PLEKHA2: variants seen among roughly 807,000 people sequenced by gnomAD.
The protein encoded by PLEKHA2 is pleckstrin homology domain containing A2.
A neutral mutation model predicts 53.2 loss-of-function variants in PLEKHA2; 28 were observed. The observed-to-expected ratio is 0.53, with a 90% CI of 0.39 to 0.72. The LOEUF (loss-of-function observed/expected upper bound fraction) is 0.72, where lower values mean the gene tolerates loss of function less well. PLEKHA2 is among the 30% of genes least tolerant of loss of function. The pLI is 0.00. For synonymous variants in PLEKHA2, 193 were observed against 196.4 expected (o/e 0.98, Z 0.14); for missense variants, 426 against 537.9 (o/e 0.79, Z 2.06).
In PLEKHA2 at chr8:38,922,632, G is replaced by A. The variant is rs1249067219; in HGVS notation, c.141+4562G>A. 6.6e-6 allele frequency among the ~76,000 whole-genome samples: 1 copy of A among 152,172 alleles called. No individual in the cohort carries two copies. The highest frequency in any genetic ancestry group is 1.9e-4 in the East Asian group (1 of 5,204). ...AGGCAGTAATAAGCAGAAGATTTTTGGACCCAGGTCTCCGATCTTTGTGTG... is the reference window on the plus strand; with the variant it reads ...AGGCAGTAATAAGCAGAAGATTTTTAGACCCAGGTCTCCGATCTTTGTGTG... On this transcript the variant is annotated intron_variant, in intron 2 of 11. Transcript: ENST00000617275. This position sits in a 1 kb window ranked among gnomAD's most constrained non-coding sequence, Gnocchi z 4.0.
intron 3 of PLEKHA2, among the ~76,000 whole-genome samples, chr8:38,936,293 A>G (rs770623170): frequency 1.3e-4 from 20 of 152,162 alleles, no homozygotes; most frequent in Non-Finnish European, 2.4e-4. Flanking sequence ...ACATCAATCC[A>G]TAATGCTCCC....
chr8:38,932,567 C>T (rs1834413648), intron 2 of PLEKHA2, among the ~76,000 whole-genome samples: 1 of 152,180 alleles, frequency 6.6e-6, no homozygotes, highest in African/African-American at 2.4e-5. Flanking sequence ...CCTGCCCTGA[C>T]ACCTGGCTAA....
Position 38,957,327 on chromosome 8 carries a change from CTCT to C in PLEKHA2, c.780_782del (p.Leu261del). 4 of 1,611,824 alleles carry C rather than the reference CTCT, an allele frequency of 2.5e-6. No homozygotes were observed. Among genetic ancestry groups the C allele is most frequent in the Non-Finnish European group, 3.4e-6 (4 of 1,178,080 alleles). On this transcript the variant is annotated inframe_deletion, in exon 10 of 12. Coordinates refer to ENST00000617275, the MANE Select transcript of PLEKHA2 (RefSeq NM_021623.2). Reference sequence around the variant, plus strand: ...TCTTTCTCTTTCTCTGTCTAGTGATCTCTTAATGAGGGACAACCTGTTTGAAAT... The same window carrying C: ...TCTTTCTCTTTCTCTGTCTAGTGATCTAATGAGGGACAACCTGTTTGAAAT...
chr8:38,968,737 T>C, intron 11 of PLEKHA2, 68 bp downstream of exon 11: 1 of 1,554,836 alleles, frequency 6.4e-7, no homozygotes, highest in Non-Finnish European at 8.9e-7. Flanking sequence ...AGGCATGTTT[T>C]ATTTGGTGAT....
At chr8:38,904,020 T>C (rs1456114862) in intron 1 of PLEKHA2, among the ~76,000 whole-genome samples, 1 of 152,056 alleles carries the variant, frequency 6.6e-6, no homozygotes, top group African/African-American at 2.4e-5. Context: ...AATATTATAG[T>C]GTGTTGGCCT....
At chr8:38,914,032 TG>T (rs1386641628) in intron 1 of PLEKHA2, among the ~76,000 whole-genome samples, 10 of 152,242 alleles carry the variant, frequency 6.6e-5, no homozygotes, top group Non-Finnish European at 1.3e-4. Context: ...CCTTTTCTGC[TG>T]TGTTTCTGAA....
At chr8:38,930,935 G>A (rs779761845) in intron 2 of PLEKHA2, among the ~76,000 whole-genome samples, 13 of 152,202 alleles carry the variant, frequency 8.5e-5, no homozygotes, top group Admixed American at 2.0e-4. Context: ...TATCCCAGAC[G>A]AGTTCAAACC....
At chr8:38,901,651 C>T (rs1302404317) in intron 1 of PLEKHA2, 1 of 152,186 alleles carries the variant, frequency 6.6e-6, no homozygotes, top group Non-Finnish European at 1.5e-5. Flanking sequence ...CTCCTCCAAC[C>T]CTCTGGGAGA....
intron 5 of PLEKHA2, 95 bp from the exon 6 acceptor site, chr8:38,950,755 A>G (rs769287124): frequency 3.3e-5 from 49 of 1,472,860 alleles, no homozygotes; most frequent in Non-Finnish European, 3.9e-5. Flanking sequence ...AATTTGGCAC[A>G]TGAGCTTTTC....
intron 2 of PLEKHA2, among the ~76,000 whole-genome samples, chr8:38,935,429 A>G (rs1269574784): frequency 6.8e-6 from 1 of 146,236 alleles, no homozygotes; most frequent in Non-Finnish European, 1.5e-5. Context: ...TGGAGCTTAC[A>G]CTTTTTTTTT....
intron 4 of PLEKHA2, 39 bp downstream of exon 4, chr8:38,943,876 A>T (rs1361984262): frequency 1.3e-6 from 2 of 1,505,594 alleles, no homozygotes; most frequent in Non-Finnish European, 9.0e-7. Flanking sequence ...TTTAATATTG[A>T]CATGGCAACT....
intron 9 of PLEKHA2, among the ~76,000 whole-genome samples, chr8:38,954,554 A>C (rs1426228154): frequency 6.6e-6 from 1 of 152,166 alleles, no homozygotes; most frequent in Non-Finnish European, 1.5e-5. Flanking sequence ...GAGTCACACT[A>C]AACTGAGTTA....
chr8:38,907,347 TAGTC>T (rs1209820835), intron 1 of PLEKHA2, among the ~76,000 whole-genome samples: 7 of 152,350 alleles, frequency 4.6e-5, no homozygotes, highest in African/African-American at 1.7e-4. Flanking sequence ...AATGCTAAAG[TAGTC>T]AGGCAGAGTC....
At chr8:38,910,025 C>T (rs976528819) in intron 1 of PLEKHA2, among the ~76,000 whole-genome samples, 5 of 146,480 alleles carry the variant, frequency 3.4e-5, no homozygotes, top group African/African-American at 2.5e-5. Context: ...GGTGTGATCT[C>T]GGCTCACTGC....
intron 1 of PLEKHA2, among the ~76,000 whole-genome samples, chr8:38,906,862 T>C (rs1479000912): frequency 6.6e-6 from 1 of 152,240 alleles, no homozygotes; most frequent in Non-Finnish European, 1.5e-5. Flanking sequence ...TGAACATATA[T>C]GAACTCTGTT....
Position 38,952,177 on chromosome 8 carries a change from TG to T in PLEKHA2, c.501del (p.Gln168ArgfsTer39). ...HTPISQNGGD[G>X]QEGSEPGSHT... ...CTGTTTCCTTGCAGAACGGTGGGGA[TG>T]GGCAGGAAGGGAGTGAGCCCGGGTC... On this transcript the variant is annotated frameshift_variant, in exon 7 of 12. Coordinates refer to ENST00000617275, the MANE Select transcript of PLEKHA2 (RefSeq NM_021623.2). LOFTEE classifies it high-confidence loss of function. 1 of 1,613,034 alleles carries T rather than the reference TG, an allele frequency of 6.2e-7. No individual in the cohort carries two copies. Among genetic ancestry groups the T allele is most frequent in the Non-Finnish European group, 8.5e-7 (1 of 1,179,550 alleles).
chr8:38,924,178 T>C (rs11785248), intron 2 of PLEKHA2, among the ~76,000 whole-genome samples: 18,402 of 152,054 alleles, frequency 0.12, 1,328 homozygotes, highest in East Asian at 0.22. Flanking sequence ...TGTCCTTTGA[T>C]TGTTATACCT....
intron 1 of PLEKHA2, among the ~76,000 whole-genome samples, chr8:38,906,809 C>T (rs759585465): frequency 3.9e-5 from 6 of 152,152 alleles, no homozygotes; most frequent in Non-Finnish European, 8.8e-5. Context: ...ATTGCGAAGG[C>T]TCTGGTTGGC....
At chr8:38,963,163 T>C (rs1835069907) in intron 10 of PLEKHA2, among the ~76,000 whole-genome samples, 1 of 152,232 alleles carries the variant, frequency 6.6e-6, no homozygotes, top group Non-Finnish European at 1.5e-5. Flanking sequence ...ACAATAAAAC[T>C]GCAGGCTGCA....
Sources: allele counts gnomAD v4.1 joint callset (sites outside exome capture counted in the v4.1 genomes callset), GRCh38; gene constraint gnomAD v4.1.1; non-coding constraint Gnocchi (gnomAD v3.1); transcripts MANE v1.5; gene names NCBI Gene and HGNC (gene_info 2026-07-23, HGNC 2026-07-21).